ASIC2: variants seen among roughly 807,000 people sequenced by gnomAD.
ASIC2 encodes acid-sensing ion channel 2.
In ASIC2, 25 loss-of-function variants were observed where a neutral mutation model predicts 57.3. That is an observed-to-expected ratio of 0.44 (90% CI 0.32 to 0.61). The LOEUF (loss-of-function observed/expected upper bound fraction) is 0.61, where lower values mean the gene tolerates loss of function less well. ASIC2 is among the 20% of genes least tolerant of loss of function. The pLI is 0.06. For synonymous variants in ASIC2, 319 were observed against 307.5 expected, an observed-to-expected ratio of 1.04 and a Z score of -0.39; for missense variants, 641 against 738.1, an observed-to-expected ratio of 0.87 and a Z score of 1.52.
chr17:33,194,603 A>G, intron 1 of ASIC2, among the ~76,000 whole-genome samples: 1 of 152,322 alleles, frequency 6.6e-6, no homozygotes, highest in Admixed American at 6.5e-5. Flanking sequence ...GTAGGGAACA[A>G]ATTGATTATG....
chr17:33,042,314 A>T (rs1298418369), intron 3 of ASIC2, among the ~76,000 whole-genome samples: 1 of 152,196 alleles, frequency 6.6e-6, no homozygotes, highest in African/African-American at 2.4e-5. Flanking sequence ...AAAGGATGAG[A>T]TCAAGAATAA....
At chr17:34,134,653 A>G (rs1262015217) in intron 1 of ASIC2, among the ~76,000 whole-genome samples, 1 of 152,194 alleles carries the variant, frequency 6.6e-6, no homozygotes, top group Non-Finnish European at 1.5e-5. Flanking sequence ...TCAACAAGTT[A>G]TGTGATTACT....
intron 1 of ASIC2, among the ~76,000 whole-genome samples, chr17:33,117,264 C>G (rs1423634565): frequency 6.6e-6 from 1 of 152,080 alleles, no homozygotes; most frequent in Non-Finnish European, 1.5e-5. Flanking sequence ...CCTCTGCCTC[C>G]TGGGGTCGAG....
At chr17:33,594,610 C>T (rs780521329) in intron 1 of ASIC2, among the ~76,000 whole-genome samples, 3 of 152,096 alleles carry the variant, frequency 2.0e-5, no homozygotes, top group Non-Finnish European at 2.9e-5. Flanking sequence ...AGGCGGATCA[C>T]GAGATCAGAA....
chr17:33,139,349 T>A (rs1171677341), intron 1 of ASIC2, among the ~76,000 whole-genome samples: 19 of 152,206 alleles, frequency 1.2e-4, no homozygotes, highest in Admixed American at 1.2e-3. Context: ...TCCAGTCCCT[T>A]CCCCAGATCT....
rs147522929 is a variant in ASIC2 at position 33,837,512 on chromosome 17, T to G, written c.555+318466A>C. Among the ~76,000 whole-genome samples the G allele has an allele frequency of 2.4e-4, 36 of 152,300 alleles. No individual in the cohort carries two copies. In the East Asian group the frequency reaches 6.2e-3, roughly 26 times the overall value. On this transcript the variant is annotated intron_variant, in intron 1 of 9. Transcript: ENST00000359872. ...CCAATGTAAGCACAATGTCTACTTA[T>G]CCCATAAATGTTCTCCTAAATGTGC...
intron 1 of ASIC2, among the ~76,000 whole-genome samples, chr17:33,228,584 C>A (rs987286634): frequency 1.3e-5 from 2 of 152,224 alleles, no homozygotes; most frequent in African/African-American, 4.8e-5. Context: ...CACCCACCAT[C>A]CCAACAAGAA....
At chr17:33,134,531 G>T in intron 1 of ASIC2, among the ~76,000 whole-genome samples, 1 of 152,242 alleles carries the variant, frequency 6.6e-6, no homozygotes, top group Non-Finnish European at 1.5e-5. Flanking sequence ...AGGATTTAAA[G>T]TTCCTCAGAG....
chr17:33,783,035 A>G (rs1255023283), intron 1 of ASIC2, among the ~76,000 whole-genome samples: 1 of 152,162 alleles, frequency 6.6e-6, no homozygotes, highest in Non-Finnish European at 1.5e-5. Flanking sequence ...CATCAGACCC[A>G]AGAGCAAATG....
At chr17:33,202,485 C>G (rs1385346878) in intron 1 of ASIC2, among the ~76,000 whole-genome samples, 3 of 152,092 alleles carry the variant, frequency 2.0e-5, no homozygotes, top group Non-Finnish European at 4.4e-5. Flanking sequence ...AGATTGTCCG[C>G]CCCATCTGGG....
chr17:33,905,555 G>A lies in ASIC2; in HGVS notation c.555+250423C>T, dbSNP rs1357825476. Among the ~76,000 whole-genome samples the A allele has an allele frequency of 2.6e-5, 4 of 152,166 alleles. No individual in the cohort carries two copies. The East Asian group carries it at 5.8e-4, about 22-fold the overall frequency. ...CCTGTGCTCTAAAAGAGTGATGTGC[G>A]AGGACAGATAATATGCAAAGTAGGG... is the stretch of plus-strand genomic sequence containing the variant. On this transcript the variant is annotated intron_variant, in intron 1 of 9. Transcript: ENST00000359872.
chr17:33,404,198 C>A (rs770036794), intron 1 of ASIC2, among the ~76,000 whole-genome samples: 9 of 152,096 alleles, frequency 5.9e-5, no homozygotes, highest in Non-Finnish European at 1.2e-4. Flanking sequence ...GGAGTGACTG[C>A]AAATTAATGA....
chr17:33,776,122 G>A (rs1204938697), intron 1 of ASIC2, among the ~76,000 whole-genome samples: 3 of 114,324 alleles, frequency 2.6e-5, no homozygotes, highest in African/African-American at 1.1e-4. Context: ...GACACAGCAA[G>A]ACTCTGTCTC....
chr17:33,096,226 A>G (rs1002297150), intron 2 of ASIC2, among the ~76,000 whole-genome samples: 1 of 152,184 alleles, frequency 6.6e-6, no homozygotes, highest in African/African-American at 2.4e-5. Context: ...ATAGAAGCAG[A>G]AAGGAACAAC....
intron 1 of ASIC2, among the ~76,000 whole-genome samples, chr17:34,095,920 C>G (rs1247810040): frequency 2.6e-5 from 4 of 151,498 alleles, no homozygotes; most frequent in Non-Finnish European, 5.9e-5. Context: ...TTCAATCAAC[C>G]CTGAAACCAA....
rs757881490 is a variant in ASIC2 at position 33,464,670 on chromosome 17, C to CCTCTCTCT, written c.556-352611_556-352604dup. 8.4e-3 allele frequency among the ~76,000 whole-genome samples: 1,030 copies of CCTCTCTCT among 122,726 alleles called. 11 individuals carry two copies. The highest frequency in any genetic ancestry group is 0.012 in the Middle Eastern group (3 of 250). 80.5% of individuals were successfully genotyped at this position (122,726 alleles called of 152,430 possible). A position where few individuals can be genotyped will look rare whatever the true frequency, so the allele number is the denominator to read the frequency against. ...TTCCTTTCTTCCTTCTCTCTCTCTCCCTCTCTCTCTCTCTCTCTATATATA... is the reference window on the plus strand; with the variant it reads ...TTCCTTTCTTCCTTCTCTCTCTCTCCCTCTCTCTCTCTCTCTCTCTCTCTCTATATATA... On this transcript the variant is annotated intron_variant, in intron 1 of 9. Transcript: ENST00000359872.
chr17:33,799,434 C>CTTTCTTA (rs1567719062), intron 1 of ASIC2, among the ~76,000 whole-genome samples: 7 of 31,170 alleles, frequency 2.2e-4, no homozygotes, highest in African/African-American at 7.6e-4. Context: ...TTTCTTCTTT[C>CTTTCTTA]TTTCTTTCTT....
At chr17:33,269,181 T>C (rs533867195) in intron 1 of ASIC2, among the ~76,000 whole-genome samples, 3 of 152,166 alleles carry the variant, frequency 2.0e-5, no homozygotes, top group Non-Finnish European at 4.4e-5. Context: ...TTGTGTTTAA[T>C]TTTTGACTTG....
intron 1 of ASIC2, among the ~76,000 whole-genome samples, chr17:33,272,407 T>A (rs568289282): frequency 2.6e-5 from 4 of 152,332 alleles, no homozygotes; most frequent in East Asian, 3.9e-4. Context: ...AGGCACTCAA[T>A]TAACTCTTAC....
Sources: allele counts gnomAD v4.1 joint callset (sites outside exome capture counted in the v4.1 genomes callset), GRCh38; gene constraint gnomAD v4.1.1; transcripts MANE v1.5; gene names NCBI Gene and HGNC (gene_info 2026-07-23, HGNC 2026-07-21).